The following SMAD3 variants were observed in gnomAD, a reference collection of about 807,000 sequenced individuals.
The protein encoded by SMAD3 is MAD homolog 3.
A neutral mutation model predicts 51.8 loss-of-function variants in SMAD3; 12 were observed. The ratio of observed to expected loss-of-function variants is 0.23; its 90% CI spans 0.15 to 0.38. The LOEUF (loss-of-function observed/expected upper bound fraction) is 0.38. Among genes scored for constraint, SMAD3 ranks in the 10% least tolerant of loss-of-function variants. The pLI, the probability that SMAD3 is intolerant of heterozygous loss-of-function variation, is 1.00. For missense variants in SMAD3, 294 were observed against 565.6 expected, an observed-to-expected ratio of 0.52 and a Z score of 4.87; for synonymous variants, 238 against 227.7, an observed-to-expected ratio of 1.05 and a Z score of -0.41.
At chr15:67,108,754 T>A (rs1046789645) in intron 1 of SMAD3, among the ~76,000 whole-genome samples, 35 of 152,226 alleles carry the variant, frequency 2.3e-4, no homozygotes, top group Admixed American at 2.2e-3. Context: ...CTCTGTTCTC[T>A]GCACTGGGCT....
chr15:67,088,133 A>T lies in SMAD3; in HGVS notation c.206+21773A>T, dbSNP rs528840635. On this transcript the variant is annotated intron_variant, in intron 1 of 8. Transcript: ENST00000327367. ...CTACTCTCACCTTTATCGCAGGAGG[A>T]GTGATAAAGTGCTGCTGTGTGTAAT... is the stretch of plus-strand genomic sequence containing the variant. 1.1e-3 allele frequency among the ~76,000 whole-genome samples: 160 copies of T among 152,222 alleles called. 1 individual carries two copies. The highest frequency in any genetic ancestry group is 3.8e-3 in the African/African-American group (156 of 41,520).
chr15:67,096,062 C>T (rs2140218806), intron 1 of SMAD3, among the ~76,000 whole-genome samples: 1 of 152,298 alleles, frequency 6.6e-6, no homozygotes, highest in East Asian at 1.9e-4. Context: ...AGTCCTGATG[C>T]TTTCCATCTA....
chr15:67,194,163 C>G lies in SMAD3; in HGVS notation c.*3627C>G. On this transcript the variant is annotated 3_prime_UTR_variant, in exon 9 of 9. Coordinates refer to ENST00000327367, the MANE Select transcript of SMAD3 (RefSeq NM_005902.4). Reference sequence around the variant, plus strand: ...GAGTTCCCCCAAAATAAACGTGTCCCCATTTTACCAGAACCAAACCTCAAC... The same window carrying G: ...GAGTTCCCCCAAAATAAACGTGTCCGCATTTTACCAGAACCAAACCTCAAC... The G allele has an allele frequency of 4.3e-6, 1 of 233,504 alleles. No homozygotes were observed. The highest frequency in any genetic ancestry group is 8.5e-6 in the Non-Finnish European group (1 of 118,084). 14.5% of individuals were successfully genotyped at this position (233,504 alleles called of 1,614,324 possible). A position where few individuals can be genotyped will look rare whatever the true frequency, so the allele number is the denominator to read the frequency against.
chr15:67,098,704 G>C (rs1311876671), intron 1 of SMAD3: 1 of 588,344 alleles, frequency 1.7e-6, no homozygotes, highest in Non-Finnish European at 3.0e-6. Context: ...AGTTGGGAGA[G>C]AACTGTCCAC....
At chr15:67,161,623 C>G (rs1962433451) in intron 1 of SMAD3, among the ~76,000 whole-genome samples, 1 of 152,212 alleles carries the variant, frequency 6.6e-6, no homozygotes, top group African/African-American at 2.4e-5. Context: ...GAATAATTCT[C>G]TATTCCCACT....
chr15:67,079,547 T>C (rs916174080), intron 1 of SMAD3, among the ~76,000 whole-genome samples: 1 of 152,190 alleles, frequency 6.6e-6, no homozygotes, highest in Non-Finnish European at 1.5e-5. Context: ...GTGTTGACTG[T>C]TAGCAAATCA....
At chr15:67,115,373 T>C (rs1233447153) in intron 1 of SMAD3, among the ~76,000 whole-genome samples, 1 of 152,106 alleles carries the variant, frequency 6.6e-6, no homozygotes, top group Non-Finnish European at 1.5e-5. Context: ...GCAAACAGAA[T>C]GGCCTCCCTC....
chr15:67,086,553 A>G (rs934422970), intron 1 of SMAD3, among the ~76,000 whole-genome samples: 26 of 152,188 alleles, frequency 1.7e-4, no homozygotes, highest in Non-Finnish European at 1.3e-4. Flanking sequence ...CAGTGCTGAA[A>G]GCCCTTGAGG....
rs555813680 is a variant in SMAD3, at chr15:67,123,999, T to C, written c.207-40896T>C. ...TTTTGTTCCTTTGGATTTTCGTCTC[T>C]TATTTTTAGACAGAGTCTCCCTCTG... On this transcript the variant is annotated intron_variant, in intron 1 of 8. Coordinates refer to ENST00000327367, the MANE Select transcript of SMAD3 (RefSeq NM_005902.4). Among the ~76,000 whole-genome samples, 11 of 152,318 alleles carry C rather than the reference T, an allele frequency of 7.2e-5. No homozygotes were observed. In the East Asian group the frequency reaches 2.1e-3, roughly 29 times the overall value.
At chr15:67,190,330 A>G in intron 8 of SMAD3, 83 bp from the exon 9 acceptor site, 1 of 1,318,280 alleles carries the variant, frequency 7.6e-7, no homozygotes, top group Non-Finnish European at 1.1e-6. Context: ...ACTGTCACCA[A>G]AGCAGAAAAA....
In SMAD3 at chr15:67,181,254, T is replaced by C. The variant is rs1055975793; in HGVS notation, c.672T>C (p.Val224=). The change falls in exon 6 of 9, where the codon GTT becomes GTC. Residue 224 remains valine (V), a synonymous_variant. Coordinates refer to ENST00000327367, the MANE Select transcript of SMAD3 (RefSeq NM_005902.4). The part of the protein sequence containing the change: ...PAHNNLDLQP[V]TYCEPAFWCS... ...CTGTGTCCACAGACCTGCAGCCAGT[T>C]ACCTACTGCGAGCCGGCCTTCTGGT... 6.2e-7 allele frequency: 1 copy of C among 1,612,848 alleles called. No individual in the cohort carries two copies. The highest frequency in any genetic ancestry group is 1.3e-5 in the African/African-American group (1 of 74,988).
In SMAD3 at chr15:67,191,035, G is replaced by GGCCC; in HGVS notation, c.*499_*500insGCCC. The GGCCC allele has an allele frequency of 1.8e-5, 4 of 224,528 alleles. No homozygotes were observed. Among genetic ancestry groups the GGCCC allele is most frequent in the Admixed American group, 5.5e-5 (1 of 18,060 alleles). The allele number at this position is 224,528 out of a possible 1,614,324, so 13.9% of individuals were successfully genotyped here. On this transcript the variant is annotated 3_prime_UTR_variant, in exon 9 of 9. Coordinates refer to ENST00000327367, the MANE Select transcript of SMAD3 (RefSeq NM_005902.4). ...TCTTCCAGTGAACATTCCCAGCCCA[G>GGCCC]CCCCGCCCCGCCCCGCCCCACCACT...
intron 1 of SMAD3, among the ~76,000 whole-genome samples, chr15:67,114,188 C>G (rs1001546416): frequency 6.6e-6 from 1 of 152,152 alleles, no homozygotes; most frequent in African/African-American, 2.4e-5. Flanking sequence ...TGGAACCCAC[C>G]CGCCTTCCCA....
rs1959916106 is a variant in SMAD3 at position 67,066,337 on chromosome 15, C to T, written c.183C>T (p.Asn61=). 1 of 1,613,366 alleles carries T rather than the reference C, an allele frequency of 6.2e-7. No individual in the cohort carries two copies. The highest frequency in any genetic ancestry group is 8.5e-7 in the Non-Finnish European group (1 of 1,179,730). The change falls in exon 1 of 9, where the codon AAC becomes AAT. Residue 61 remains asparagine (N), a synonymous_variant. Coordinates refer to ENST00000327367, the MANE Select transcript of SMAD3 (RefSeq NM_005902.4). The part of the protein sequence containing the change: ...LEKAITTQNV[N]TKCITIPRSL... ...AGGCCATCACCACGCAGAACGTCAA[C>T]ACCAAGTGCATCACCATCCCCAGGT...
At chr15:67,189,635 G>A (rs1172342330) in intron 8 of SMAD3, among the ~76,000 whole-genome samples, 1 of 152,204 alleles carries the variant, frequency 6.6e-6, no homozygotes, top group African/African-American at 2.4e-5. Flanking sequence ...TCTCTGTGAG[G>A]TGGCTGAAAG....
chr15:67,135,235 C>A (rs1293386795), intron 1 of SMAD3, among the ~76,000 whole-genome samples: 1 of 152,144 alleles, frequency 6.6e-6, no homozygotes, highest in Non-Finnish European at 1.5e-5. Flanking sequence ...GGGTGACCCC[C>A]AGTGAGGGTA....
chr15:67,121,797 A>G (rs1425916379), intron 1 of SMAD3, among the ~76,000 whole-genome samples: 1 of 152,046 alleles, frequency 6.6e-6, no homozygotes, highest in East Asian at 1.9e-4. Flanking sequence ...ATCTCTACTG[A>G]TAGGACCTCT....
chr15:67,176,602 C>T, intron 5 of SMAD3, among the ~76,000 whole-genome samples: 1 of 152,216 alleles, frequency 6.6e-6, no homozygotes. Context: ...ATCCCTTAAT[C>T]CAAGTGTTGC....
intron 1 of SMAD3, 130 bp from the exon 2 acceptor site, chr15:67,164,765 G>T: frequency 1.0e-6 from 1 of 984,316 alleles, no homozygotes; most frequent in Non-Finnish European, 1.6e-6. Flanking sequence ...CTGATCTCCT[G>T]GACCTCTGGA....
Sources: allele counts gnomAD v4.1 joint callset (sites outside exome capture counted in the v4.1 genomes callset), GRCh38; gene constraint gnomAD v4.1.1; transcripts MANE v1.5; gene names NCBI Gene and HGNC (gene_info 2026-07-23, HGNC 2026-07-21).